Variants in PCDHA5 observed in about 807,000 individuals in gnomAD.
PCDHA5 encodes protocadherin alpha 5, also known as protocadherin alpha-5.
A neutral mutation model predicts 61.6 loss-of-function variants in PCDHA5; 43 were observed. The observed-to-expected ratio is 0.70, with a 90% CI of 0.55 to 0.90. The LOEUF (loss-of-function observed/expected upper bound fraction) is 0.90. Among genes scored for constraint, PCDHA5 ranks in the 40% least tolerant of loss-of-function variants. PCDHA5 has a pLI of 0.00. For missense variants in PCDHA5, 1,298 were observed against 1,222.7 expected (o/e 1.06, Z -0.92); for synonymous variants, 627 against 543.9 (o/e 1.15, Z -2.13).
At chr5:140,971,527 A>G (rs116818549) in intron 1 of PCDHA5, among the ~76,000 whole-genome samples, 2,035 of 152,284 alleles carry the variant, frequency 0.013, 20 homozygotes, top group Middle Eastern at 0.054. Context: ...CAGTTCTGAA[A>G]GTCATCATTG....
At chr5:140,927,882 G>A in intron 1 of PCDHA5, 2 of 1,614,224 alleles carry the variant, frequency 1.2e-6, no homozygotes, top group Non-Finnish European at 1.7e-6. Context: ...TGGTGGAGGT[G>A]ACTGACGTGA....
At chr5:140,824,520 T>G in intron 1 of PCDHA5, 2 of 214,438 alleles carry the variant, frequency 9.3e-6, no homozygotes, top group East Asian at 1.2e-4. Flanking sequence ...GATCTGATCA[T>G]AGCTCACCGA....
intron 1 of PCDHA5, chr5:140,864,603 C>A (rs1230930036): frequency 3.3e-5 from 5 of 152,210 alleles, no homozygotes; most frequent in Non-Finnish European, 7.3e-5. Flanking sequence ...AGATAGCCAA[C>A]AACTTTGTTC....
chr5:140,953,873 A>G (rs537538688), intron 1 of PCDHA5, among the ~76,000 whole-genome samples: 53 of 152,258 alleles, frequency 3.5e-4, no homozygotes, highest in African/African-American at 1.3e-3. Context: ...TGCTGCACAG[A>G]TCAACCCATC....
At chr5:140,928,890 CTT>C in intron 1 of PCDHA5, 1 of 1,614,182 alleles carries the variant, frequency 6.2e-7, no homozygotes, top group South Asian at 1.1e-5. Context: ...TACTTCCAGA[CTT>C]TGAAGATGTC....
At chr5:140,833,630 C>T (rs1253718011) in intron 1 of PCDHA5, among the ~76,000 whole-genome samples, 1 of 152,092 alleles carries the variant, frequency 6.6e-6, no homozygotes, top group East Asian at 1.9e-4. Context: ...ATACTTCCTC[C>T]TCAAAAAGTT....
chr5:140,842,383 C>T, intron 1 of PCDHA5: 2 of 1,610,796 alleles, frequency 1.2e-6, no homozygotes, highest in Non-Finnish European at 1.7e-6. Context: ...CACTGACTTC[C>T]TTATCCTTGC....
chr5:140,909,945 A>C (rs540241627), intron 1 of PCDHA5, among the ~76,000 whole-genome samples: 3 of 152,316 alleles, frequency 2.0e-5, no homozygotes, highest in Non-Finnish European at 4.4e-5. Context: ...ACTCTGGTAA[A>C]AAGCCGTAGG....
intron 1 of PCDHA5, chr5:140,861,441 C>A: frequency 2.0e-6 from 1 of 493,506 alleles, no homozygotes; most frequent in Non-Finnish European, 4.2e-6. Context: ...TTCCAAAAGC[C>A]GCAGAAACCT....
chr5:140,871,117 G>A (rs2052723130), intron 1 of PCDHA5: 1 of 1,613,286 alleles, frequency 6.2e-7, no homozygotes, highest in East Asian at 2.2e-5. Flanking sequence ...GGTGGAGAGC[G>A]GACAGGCGCC....
At chr5:140,943,024 A>C (rs2093406550) in intron 1 of PCDHA5, among the ~76,000 whole-genome samples, 1 of 152,102 alleles carries the variant, frequency 6.6e-6, no homozygotes, top group Admixed American at 6.6e-5. Context: ...TGGGAGGCTG[A>C]GGTGGGTGGA....
In PCDHA5 at chr5:140,824,019, G is replaced by A; in HGVS notation, c.2244G>A (p.Ser748=). 3 of 1,614,082 alleles carry A rather than the reference G, an allele frequency of 1.9e-6. No homozygotes were observed. Among genetic ancestry groups the A allele is most frequent in the Admixed American group, 1.7e-5 (1 of 60,024 alleles). Residue 748 remains serine (S), a synonymous_variant, in exon 1 of 4, where the codon TCG becomes TCA. Coordinates refer to ENST00000529859, the MANE Select transcript of PCDHA5 (RefSeq NM_018908.3). ...GCTCCAGCGCGGTGGGGAGCTGGTC[G>A]TACTCGCAGCAGAGGAGACAGAGGG... ...LLCSSAVGSW[S]YSQQRRQRVC...
At chr5:140,857,797 G>A (rs371795952) in intron 1 of PCDHA5, 2 of 1,597,708 alleles carry the variant, frequency 1.3e-6, no homozygotes, top group Middle Eastern at 1.7e-4. Flanking sequence ...TGCTGCGGTC[G>A]GTGGTTGCGG....
At chr5:140,916,929 G>A (rs2077785456) in intron 1 of PCDHA5, among the ~76,000 whole-genome samples, 1 of 152,214 alleles carries the variant, frequency 6.6e-6, no homozygotes, top group African/African-American at 2.4e-5. Context: ...GAGCACTTAA[G>A]CATATAGTGG....
At chr5:140,867,469 T>C (rs895909736) in intron 1 of PCDHA5, 2 of 152,068 alleles carry the variant, frequency 1.3e-5, no homozygotes, top group Non-Finnish European at 2.9e-5. Context: ...TATGACAACA[T>C]TGGGAAAAGA....
At chr5:140,877,270 G>C in intron 1 of PCDHA5, 2 of 1,613,864 alleles carry the variant, frequency 1.2e-6, no homozygotes, top group Non-Finnish European at 1.7e-6. Context: ...GGTGGACGCT[G>C]ACTCCGGCTA....
intron 1 of PCDHA5, chr5:140,836,151 G>C: frequency 6.2e-7 from 1 of 1,613,828 alleles, no homozygotes. Context: ...CGCGGGCCAT[G>C]TGGTGGCGAA....
At chr5:140,850,361 C>T in intron 1 of PCDHA5, 1 of 1,597,860 alleles carries the variant, frequency 6.3e-7, no homozygotes, top group Non-Finnish European at 8.6e-7. Flanking sequence ...GCATCCCGTT[C>T]CGCGTGGGGC....
intron 1 of PCDHA5, chr5:140,851,974 C>T: frequency 3.1e-6 from 3 of 976,536 alleles, no homozygotes; most frequent in Non-Finnish European, 3.7e-6. Flanking sequence ...CACACTCTAC[C>T]TTTAGTGCAA....
Sources: gnomAD v4.1 joint callset for allele counts (sites outside exome capture counted in the v4.1 genomes callset) on GRCh38, gnomAD v4.1.1 for gene constraint, MANE v1.5 for transcripts, NCBI Gene and HGNC (gene_info 2026-07-23, HGNC 2026-07-21) for gene names.